Variants in GABRR3 observed in about 807,000 individuals in gnomAD.
GABRR3 encodes gamma-aminobutyric acid receptor subunit rho-3.
A neutral mutation model predicts 43.2 loss-of-function variants in GABRR3; 29 were observed. That is an observed-to-expected ratio of 0.67 (90% CI 0.50 to 0.92). The LOEUF (loss-of-function observed/expected upper bound fraction) is 0.92. GABRR3 is among the 40% of genes least tolerant of loss of function. GABRR3 has a pLI of 0.00. For synonymous variants in GABRR3, 206 were observed against 195.9 expected (o/e 1.05, Z -0.43); for missense variants, 576 against 572.3 (o/e 1.01, Z -0.07).
At chr3:98,018,712 C>A (rs1392925321) in intron 3 of GABRR3, among the ~76,000 whole-genome samples, 1 of 152,120 alleles carries the variant, frequency 6.6e-6, no homozygotes, top group Non-Finnish European at 1.5e-5. Flanking sequence ...CTCGATTAAA[C>A]CTTATTGTCT....
At chr3:97,993,105 G>A in intron 8 of GABRR3, 57 bp from the exon 9 acceptor site, 4 of 1,384,926 alleles carry the variant, frequency 2.9e-6, no homozygotes, top group Admixed American at 2.2e-5. Context: ...TCCAGGATCT[G>A]GTGCTGAATC....
At chr3:98,025,578 G>T in exon 3 of GABRR3, 1 of 1,607,964 alleles carries the variant, frequency 6.2e-7, no homozygotes, top group Non-Finnish European at 8.5e-7. Flanking sequence ...TCCAAATCCA[G>T]GTCTCATTGC....
intron 2 of GABRR3, among the ~76,000 whole-genome samples, chr3:98,031,336 A>T (rs1035590725): frequency 1.3e-5 from 2 of 152,328 alleles, no homozygotes; most frequent in African/African-American, 4.8e-5. Flanking sequence ...AGACATTTTT[A>T]AAAAATGGTT....
chr3:97,998,763 A>C (rs1476425025), intron 8 of GABRR3: 1 of 152,188 alleles, frequency 6.6e-6, no homozygotes, highest in African/African-American at 2.4e-5. Context: ...AATATTTGCA[A>C]AAATGTTTAA....
rs1706858662 is a variant in GABRR3 at position 98,015,224 on chromosome 3, ACT to A, written c.306+2429_306+2430del. Among the ~76,000 whole-genome samples the A allele has an allele frequency of 3.3e-5, 5 of 152,242 alleles. No individual in the cohort carries two copies. The South Asian group carries it at 1.0e-3, about 32-fold the overall frequency. On this transcript the variant is annotated intron_variant, in intron 4 of 9. Transcript: ENST00000621172. The stretch of plus-strand genomic sequence containing the variant: ...CCTTGGTTTTATTAAAAAGAGTCTC[ACT>A]CTGCCACCCAGGATTAATTGCAGTG...
At chr3:97,987,449 T>G (rs1706402695) in intron 9 of GABRR3, among the ~76,000 whole-genome samples, 1 of 152,246 alleles carries the variant, frequency 6.6e-6, no homozygotes, top group Admixed American at 6.5e-5. Flanking sequence ...AGATAGTGGT[T>G]CTCACTAGTT....
chr3:97,986,915 T>C, exon 10 of GABRR3: 1 of 1,611,858 alleles, frequency 6.2e-7, no homozygotes, highest in Non-Finnish European at 8.5e-7. Flanking sequence ...CATGTCAATC[T>C]CGCTGTCATG....
In GABRR3 at chr3:98,012,574, A is replaced by G; in HGVS notation, c.307-7T>C. ...AAAAAGTCATTGTAAAGTCCTAGAC[A>G]GAGAGAAAAAGAGACCAAAAAAACC... On this transcript the variant is annotated splice_polypyrimidine_tract_variant and splice_region_variant and intron_variant, in intron 4 of 9. Transcript: ENST00000621172. 1 of 1,577,014 alleles carries G rather than the reference A, an allele frequency of 6.3e-7. No homozygotes were observed. Among genetic ancestry groups the G allele is most frequent in the South Asian group, 1.1e-5 (1 of 89,576 alleles).
At chr3:97,987,861 T>C (rs1706407833) in intron 9 of GABRR3, among the ~76,000 whole-genome samples, 1 of 152,088 alleles carries the variant, frequency 6.6e-6, no homozygotes, top group Non-Finnish European at 1.5e-5. Context: ...ACTGCAGCCT[T>C]GACCTCCTGG....
intron 8 of GABRR3, among the ~76,000 whole-genome samples, chr3:97,995,699 A>T (rs777720935): frequency 3.3e-5 from 5 of 152,160 alleles, no homozygotes; most frequent in African/African-American, 1.2e-4. Flanking sequence ...AAAGCAATAG[A>T]ACTTGAAGTC....
intron 4 of GABRR3, among the ~76,000 whole-genome samples, chr3:98,016,137 T>A (rs1055383421): frequency 6.6e-6 from 1 of 152,082 alleles, no homozygotes; most frequent in African/African-American, 2.4e-5. Context: ...GCCCCCATGA[T>A]CAAATCACCT....
chr3:98,012,489 T>C, exon 5 of GABRR3: 11 of 1,614,010 alleles, frequency 6.8e-6, no homozygotes, highest in South Asian at 3.3e-5. Context: ...TCAAATGTCA[T>C]GCTTTTGTTT....
intron 3 of GABRR3, among the ~76,000 whole-genome samples, chr3:98,020,602 G>A (rs1378333532): frequency 6.6e-6 from 1 of 151,858 alleles, no homozygotes; most frequent in East Asian, 1.9e-4. Flanking sequence ...TACAAGCCTG[G>A]GGACAGTCTT....
At chr3:98,027,351 TAATA>T (rs1411257514) in intron 2 of GABRR3, among the ~76,000 whole-genome samples, 1 of 152,204 alleles carries the variant, frequency 6.6e-6, no homozygotes, top group Non-Finnish European at 1.5e-5. Context: ...AGTAGACATT[TAATA>T]AATCTAACTA....
At chr3:97,986,793 C>T (rs763490887) in exon 10 of GABRR3, 1 of 1,611,362 alleles carries the variant, frequency 6.2e-7, no homozygotes, top group South Asian at 1.1e-5. Context: ...ATTCTACCAA[C>T]ATGTCCTCCT....
chr3:98,033,758 G>A (rs1372390898), intron 2 of GABRR3, among the ~76,000 whole-genome samples: 2 of 152,102 alleles, frequency 1.3e-5, no homozygotes, highest in Non-Finnish European at 2.9e-5. Flanking sequence ...TTGCTATGAC[G>A]AAGACTGGGA....
At chr3:98,014,509 C>G (rs1455383200) in intron 4 of GABRR3, among the ~76,000 whole-genome samples, 1 of 152,188 alleles carries the variant, frequency 6.6e-6, no homozygotes, top group Non-Finnish European at 1.5e-5. Context: ...ATCTTCTAAA[C>G]CAATCTTTTT....
intron 6 of GABRR3, 54 bp from the exon 7 acceptor site, chr3:98,007,958 T>G: frequency 7.0e-7 from 1 of 1,435,402 alleles, no homozygotes; most frequent in Non-Finnish European, 9.4e-7. Flanking sequence ...GTAAGCTCAA[T>G]GAGTTCTATA....
At chr3:98,005,031 A>G (rs1031804378) in intron 7 of GABRR3, among the ~76,000 whole-genome samples, 1 of 152,122 alleles carries the variant, frequency 6.6e-6, no homozygotes, top group Non-Finnish European at 1.5e-5. Context: ...GGTTAAATGA[A>G]CCCAGATATG....
Sources: gnomAD v4.1 joint callset for allele counts (sites outside exome capture counted in the v4.1 genomes callset) on GRCh38, gnomAD v4.1.1 for gene constraint, MANE v1.5 for transcripts, NCBI Gene and HGNC (gene_info 2026-07-23, HGNC 2026-07-21) for gene names.